The following GPC5 variants were observed in gnomAD, a reference collection of about 807,000 sequenced individuals.
GPC5 encodes the protein glypican 5.
In GPC5, 47 loss-of-function variants were observed where a neutral mutation model predicts 53.9. The observed-to-expected ratio is 0.87, with a 90% CI of 0.69 to 1.11. The LOEUF (loss-of-function observed/expected upper bound fraction) is 1.11, where lower values mean the gene tolerates loss of function less well. GPC5 is among the 50% of genes most tolerant of loss of function. The pLI, the probability that GPC5 is intolerant of heterozygous loss-of-function variation, is 0.00. For missense variants in GPC5, 748 were observed against 713.1 expected, an observed-to-expected ratio of 1.05 and a Z score of -0.56; for synonymous variants, 286 against 263.3, an observed-to-expected ratio of 1.09 and a Z score of -0.84.
intron 7 of GPC5, among the ~76,000 whole-genome samples, chr13:92,153,420 G>A (rs558516144): frequency 2.8e-4 from 43 of 152,282 alleles, no homozygotes; most frequent in African/African-American, 1.0e-3. Context: ...TTACAAGCAT[G>A]AGCCACCATA....
chr13:91,541,647 A>G (rs2029935683), intron 2 of GPC5, among the ~76,000 whole-genome samples: 1 of 152,142 alleles, frequency 6.6e-6, no homozygotes, highest in Admixed American at 6.5e-5. Flanking sequence ...GGAAAAAAAA[A>G]GAACAAATCT....
Position 91,685,121 on chromosome 13 carries a change from T to TACAA in GPC5, c.326-8040_326-8037dup, listed in dbSNP as rs377713018. On this transcript the variant is annotated intron_variant, in intron 2 of 7. Transcript: ENST00000377067. ...CTGGGCAACGTAGAGACACTGTCTC[T>TACAA]ACAAACAAACAAACAAACAAACAAA... 7.3e-3 allele frequency among the ~76,000 whole-genome samples: 1,115 copies of TACAA among 152,008 alleles called. 6 individuals carry two copies. The highest frequency in any genetic ancestry group is 9.6e-3 in the African/African-American group (398 of 41,394).
At chr13:91,573,330 T>C (rs2032007730) in intron 2 of GPC5, among the ~76,000 whole-genome samples, 2 of 152,208 alleles carry the variant, frequency 1.3e-5, no homozygotes, top group Non-Finnish European at 2.9e-5. Flanking sequence ...TACTTTTAAG[T>C]GTTTTAGTAT....
intron 6 of GPC5, among the ~76,000 whole-genome samples, chr13:92,092,799 T>C (rs903934195): frequency 6.6e-6 from 1 of 152,176 alleles, no homozygotes; most frequent in African/African-American, 2.4e-5. Context: ...GTAAAATGAA[T>C]ATATGTTCAT....
intron 7 of GPC5, among the ~76,000 whole-genome samples, chr13:92,579,623 ATC>A (rs1358960892): frequency 6.6e-6 from 1 of 152,030 alleles, no homozygotes; most frequent in Non-Finnish European, 1.5e-5. Context: ...AACTGAGAGA[ATC>A]TTATCTAATG....
At chr13:92,838,321 A>G (rs2138829657) in intron 7 of GPC5, among the ~76,000 whole-genome samples, 1 of 151,852 alleles carries the variant, frequency 6.6e-6, no homozygotes. Context: ...CGTCTCTACT[A>G]AAAATACAAA....
At chr13:92,281,471 G>T (rs570364767) in intron 7 of GPC5, among the ~76,000 whole-genome samples, 1 of 152,316 alleles carries the variant, frequency 6.6e-6, no homozygotes, top group Admixed American at 6.5e-5. Context: ...CCTGACCACC[G>T]AGTAGCCTAA....
chr13:92,282,571 G>A (rs549824390), intron 7 of GPC5, among the ~76,000 whole-genome samples: 1 of 152,244 alleles, frequency 6.6e-6, no homozygotes, highest in African/African-American at 2.4e-5. Flanking sequence ...CTACAAGCCA[G>A]AAGAGAAGGG....
chr13:92,763,005 G>C (rs1875249662), intron 7 of GPC5, among the ~76,000 whole-genome samples: 1 of 151,218 alleles, frequency 6.6e-6, no homozygotes, highest in Non-Finnish European at 1.5e-5. Context: ...TTTGATCCTG[G>C]ATTGTTTTTC....
chr13:92,281,251 A>T (rs1223317061), intron 7 of GPC5, among the ~76,000 whole-genome samples: 1 of 152,190 alleles, frequency 6.6e-6, no homozygotes, highest in Non-Finnish European at 1.5e-5. Flanking sequence ...GCAGCCAGGA[A>T]GCTCGAACTG....
At chr13:92,301,913 T>TAAA (rs1219508144) in intron 7 of GPC5, among the ~76,000 whole-genome samples, 103 of 149,966 alleles carry the variant, frequency 6.9e-4, no homozygotes, top group East Asian at 7.8e-4. Flanking sequence ...AATAAATAAA[T>TAAA]TAATTAATTA....
intron 5 of GPC5, among the ~76,000 whole-genome samples, chr13:91,781,111 T>A (rs1459160815): frequency 1.3e-5 from 2 of 152,228 alleles, no homozygotes; most frequent in Non-Finnish European, 2.9e-5. Context: ...CTGAGGTGCT[T>A]GTGCACAAGT....
At chr13:92,348,643 C>CAGGG (rs2139263521) in intron 7 of GPC5, among the ~76,000 whole-genome samples, 1 of 152,194 alleles carries the variant, frequency 6.6e-6, no homozygotes, top group East Asian at 1.9e-4. Flanking sequence ...CTCAAGCACA[C>CAGGG]AGAGAACATT....
chr13:92,067,094 G>C (rs1305163017), intron 6 of GPC5, among the ~76,000 whole-genome samples: 6 of 151,982 alleles, frequency 3.9e-5, no homozygotes, highest in Non-Finnish European at 5.9e-5. Flanking sequence ...AAAATCATGA[G>C]AACAAAGTCT....
chr13:91,435,930 C>T (rs541130155), intron 1 of GPC5, among the ~76,000 whole-genome samples: 13 of 152,198 alleles, frequency 8.5e-5, no homozygotes, highest in Middle Eastern at 3.4e-3. Flanking sequence ...GTGTATGTGT[C>T]GAGGAATTTA....
At chr13:91,882,248 T>A (rs1266413656) in intron 5 of GPC5, among the ~76,000 whole-genome samples, 2 of 152,104 alleles carry the variant, frequency 1.3e-5, no homozygotes, top group African/African-American at 4.8e-5. Context: ...ATATTGAGGT[T>A]TTATGTAATC....
chr13:92,153,420 G>T (rs558516144), intron 7 of GPC5, among the ~76,000 whole-genome samples: 1 of 152,164 alleles, frequency 6.6e-6, no homozygotes, highest in African/African-American at 2.4e-5. Flanking sequence ...TTACAAGCAT[G>T]AGCCACCATA....
intron 5 of GPC5, among the ~76,000 whole-genome samples, chr13:91,859,986 T>C (rs1055732975): frequency 2.6e-5 from 4 of 152,250 alleles, no homozygotes; most frequent in South Asian, 4.1e-4. Context: ...TCAATACACA[T>C]AGTGTATATA....
intron 6 of GPC5, 83 bp from the exon 7 acceptor site, chr13:92,144,742 CAAAAT>C: frequency 7.6e-7 from 1 of 1,319,626 alleles, no homozygotes; most frequent in South Asian, 1.3e-5. Flanking sequence ...ATCCACATAA[CAAAAT>C]AATTCTAAAT....
Sources: gnomAD v4.1 joint callset for allele counts (sites outside exome capture counted in the v4.1 genomes callset) on GRCh38, gnomAD v4.1.1 for gene constraint, MANE v1.5 for transcripts, NCBI Gene and HGNC (gene_info 2026-07-23, HGNC 2026-07-21) for gene names.